Variants in HEG1 observed in about 807,000 individuals in gnomAD.
HEG1 encodes protein HEG homolog 1.
In HEG1, 56 loss-of-function variants were observed where a neutral mutation model predicts 125.6. The ratio of observed to expected loss-of-function variants is 0.45; its 90% CI spans 0.36 to 0.56. The LOEUF is 0.56. Ranked by LOEUF, HEG1 falls within the 20% of genes least tolerant of loss-of-function variation. The pLI is 0.00. For synonymous variants in HEG1, 644 were observed against 668.5 expected, an observed-to-expected ratio of 0.96 and a Z score of 0.57; for missense variants, 1,523 against 1,670.0, an observed-to-expected ratio of 0.91 and a Z score of 1.53.
chr3:124,997,710 T>C lies in HEG1; in HGVS notation c.3631A>G (p.Lys1211Glu), dbSNP rs1936943598. ...QCKSGYFQFNKMDHSCRACED... is the reference protein window; with the variant it reads ...QCKSGYFQFNEMDHSCRACED... Reference sequence around the variant, plus strand: ...CTACCTCGGCAGGAGTGGTCCATCTTGTTGAACTGAAAGTATCCCGACTTG... The same window carrying C: ...CTACCTCGGCAGGAGTGGTCCATCTCGTTGAACTGAAAGTATCCCGACTTG... The change falls in exon 12 of 17, where the codon AAG becomes GAG. Residue 1211 changes from lysine (K) to glutamate (E), a missense_variant. Physicochemically the swap from Lys to Glu is moderately conservative, Grantham distance 56. Transcript: ENST00000311127. 1 of 1,589,840 alleles carries C rather than the reference T, an allele frequency of 6.3e-7. No homozygotes were observed. The highest frequency in any genetic ancestry group is 8.6e-7 in the Non-Finnish European group (1 of 1,163,394).
At chr3:124,978,436 C>T (rs569233528) in intron 14 of HEG1, among the ~76,000 whole-genome samples, 93 of 152,258 alleles carry the variant, frequency 6.1e-4, no homozygotes, top group African/African-American at 2.1e-3. Context: ...CGTGAGCCAC[C>T]GCGCCCGGCC....
At chr3:124,971,962 A>G (rs2107685231) in intron 16 of HEG1, 1 of 152,204 alleles carries the variant, frequency 6.6e-6, no homozygotes, top group Admixed American at 6.5e-5. Context: ...CTAATTAAAA[A>G]AAGAAAAAAA....
At chr3:124,997,588 G>T (rs933981313) in intron 12 of HEG1, 101 bp downstream of exon 12, 2 of 1,187,292 alleles carry the variant, frequency 1.7e-6, no homozygotes, top group Middle Eastern at 2.3e-4. Context: ...GTTTAGAATG[G>T]TCACGCCTAA....
At chr3:124,982,449 G>A (rs1017205280) in intron 14 of HEG1, among the ~76,000 whole-genome samples, 60 of 152,196 alleles carry the variant, frequency 3.9e-4, no homozygotes, top group African/African-American at 1.4e-3. Flanking sequence ...TCTTAGGCTT[G>A]TCCTATCCTT....
chr3:124,973,632 C>CTT (rs1936483737), intron 16 of HEG1, 99 bp downstream of exon 16: 1 of 934,562 alleles, frequency 1.1e-6, no homozygotes, highest in Non-Finnish European at 1.6e-6. Flanking sequence ...CTCTTTAACC[C>CTT]TTAACTAACT....
rs373275642 is a variant in HEG1 at position 125,019,282 on chromosome 3, G to A, written c.1568C>T (p.Ala523Val). Residue 523 changes from alanine to valine, a missense_variant, in exon 5 of 17, where the codon GCA becomes GTA. Physicochemically the swap from Ala to Val is moderately conservative, Grantham distance 64. Transcript: ENST00000311127. ...CTCACTCGAACGTTCTCCACGTGGT[G>A]CTGATGAATTCAAGCTTTCCGAGGA... ...TSSSESLNSS[A>V]PRGERSIAGI... The A allele has an allele frequency of 8.6e-5, 139 of 1,611,306 alleles. 1 individual carries two copies. In the South Asian group the frequency reaches 1.2e-3, roughly 14 times the overall value.
chr3:125,020,130 T>C (rs746270438), intron 4 of HEG1, among the ~76,000 whole-genome samples: 23 of 152,242 alleles, frequency 1.5e-4, no homozygotes, highest in Non-Finnish European at 2.2e-4. Context: ...TGAAGCTAGT[T>C]TGAAGAGTGG....
intron 11 of HEG1, among the ~76,000 whole-genome samples, chr3:124,999,474 T>C (rs1936969806): frequency 6.6e-6 from 1 of 152,206 alleles, no homozygotes; most frequent in Admixed American, 6.5e-5. Context: ...ACTTGCCTTG[T>C]CCAGCAGCCA....
intron 3 of HEG1, among the ~76,000 whole-genome samples, chr3:125,026,995 C>T (rs1047574165): frequency 6.6e-6 from 1 of 152,038 alleles, no homozygotes; most frequent in African/African-American, 2.4e-5. Context: ...AAAAGAAAAA[C>T]TATGTTAAAC....
chr3:125,012,679 G>A lies in HEG1; in HGVS notation c.2900C>T (p.Thr967Ile). Residue 967 changes from threonine to isoleucine, a missense_variant, in exon 6 of 17, where the codon ACC (threonine) becomes ATC (isoleucine). By Grantham distance (89) the Thr-to-Ile change is moderately conservative. Transcript: ENST00000311127. ...TAEDLAPKSA[T>I]FAVQSSTQSP... ...CTGTGTGCTGCTCTGAACAGCAAAG[G>A]TGGCAGATTTGGGAGCCAAGTCTTC... The A allele has an allele frequency of 1.2e-6, 2 of 1,613,948 alleles. No individual in the cohort carries two copies. Among genetic ancestry groups the A allele is most frequent in the Non-Finnish European group, 1.7e-6 (2 of 1,179,874 alleles).
intron 1 of HEG1, among the ~76,000 whole-genome samples, chr3:125,030,597 AT>A (rs1937485238): frequency 6.6e-6 from 1 of 152,230 alleles, no homozygotes; most frequent in Non-Finnish European, 1.5e-5. Flanking sequence ...AATAGACTTT[AT>A]ATGTAATGAT....
chr3:124,997,697 G>A lies in HEG1; in HGVS notation c.3644C>T (p.Ser1215Phe), dbSNP rs201231742. Residue 1215 changes from serine (S) to phenylalanine (F), a missense_variant, in exon 12 of 17, where the codon TCC becomes TTC. Coordinates refer to ENST00000311127, the MANE Select transcript of HEG1 (RefSeq NM_020733.2). ...GGCGAAGCTGTGGCTACCTCGGCAG[G>A]AGTGGTCCATCTTGTTGAACTGAAA... ...GYFQFNKMDH[S>F]CRACEDGYRL... The A allele has an allele frequency of 3.2e-6, 5 of 1,579,728 alleles. No homozygotes were observed. The highest frequency in any genetic ancestry group is 1.7e-5 in the Admixed American group (1 of 58,146).
Position 124,998,990 on chromosome 3 carries a change from G to T in HEG1, c.3518-1167C>A, listed in dbSNP as rs913817378. On this transcript the variant is annotated intron_variant, in intron 11 of 16. Coordinates refer to ENST00000311127, the MANE Select transcript of HEG1 (RefSeq NM_020733.2). ...ATGGTCTCCCATTTCCCACCCAAAG[G>T]AGGAAGCCAACCTATTCAGAAGCCA... 2.6e-5 allele frequency among the ~76,000 whole-genome samples: 4 copies of T among 152,172 alleles called. 1 individual carries two copies. The highest frequency in any genetic ancestry group is 3.2e-3 in the Middle Eastern group (1 of 316).
At chr3:125,011,744 A>G (rs914064835) in intron 6 of HEG1, among the ~76,000 whole-genome samples, 50 of 152,132 alleles carry the variant, frequency 3.3e-4, no homozygotes, top group African/African-American at 1.2e-3. Context: ...ACAAAGCATC[A>G]TCTCTTCTTT....
rs1936418623 is a variant in HEG1, at chr3:124,971,281, C to T, written c.3997-480G>A. 7.2e-6 allele frequency: 3 copies of T among 414,328 alleles called. No homozygotes were observed. In the Admixed American group the frequency reaches 7.8e-5, roughly 11 times the overall value. 25.7% of individuals were successfully genotyped at this position (414,328 alleles called of 1,614,324 possible). A position where few individuals can be genotyped will look rare whatever the true frequency, so the allele number is the denominator to read the frequency against. On this transcript the variant is annotated intron_variant, in intron 16 of 16. Coordinates refer to ENST00000311127, the MANE Select transcript of HEG1 (RefSeq NM_020733.2). ...CAGGAGAGCCCAATGTGGGAATCAC[C>T]TGGACGACACCTGAGCCCACTGTGT...
At chr3:124,995,471 C>T (rs1383745028) in intron 12 of HEG1, among the ~76,000 whole-genome samples, 1 of 152,242 alleles carries the variant, frequency 6.6e-6, no homozygotes, top group African/African-American at 2.4e-5. Context: ...TGTGCACGCA[C>T]ACGCTGCAGA....
At chr3:125,004,654 T>A (rs2107697314) in intron 9 of HEG1, among the ~76,000 whole-genome samples, 1 of 152,088 alleles carries the variant, frequency 6.6e-6, no homozygotes, top group African/African-American at 2.4e-5. Flanking sequence ...CAACCCTAGC[T>A]AACTTTTGTC....
chr3:125,012,324 T>C (rs879500357), intron 6 of HEG1, among the ~76,000 whole-genome samples: 7 of 152,194 alleles, frequency 4.6e-5, no homozygotes, highest in Non-Finnish European at 8.8e-5. Context: ...GAAAAGCTCT[T>C]ACAACTACAG....
intron 1 of HEG1, among the ~76,000 whole-genome samples, chr3:125,054,781 G>C (rs535240943): frequency 5.4e-4 from 83 of 152,350 alleles, no homozygotes; most frequent in African/African-American, 1.9e-3. Flanking sequence ...TTCACAGATG[G>C]AGAAAGTGAG....
Sources: gnomAD v4.1 joint callset for allele counts (sites outside exome capture counted in the v4.1 genomes callset) on GRCh38, gnomAD v4.1.1 for gene constraint, MANE v1.5 for transcripts, NCBI Gene and HGNC (gene_info 2026-07-23, HGNC 2026-07-21) for gene names.